LRRTM4: variants seen among roughly 807,000 people sequenced by gnomAD.
The protein encoded by LRRTM4 is leucine rich repeat transmembrane neuronal 4.
Under a neutral mutation model 47.6 loss-of-function variants are expected in LRRTM4, and 25 were observed. That is an observed-to-expected ratio of 0.53 (90% CI 0.38 to 0.73). The LOEUF (loss-of-function observed/expected upper bound fraction) is 0.73, where lower values mean the gene tolerates loss of function less well. LRRTM4 is among the 30% of genes least tolerant of loss of function. The probability of loss-of-function intolerance (pLI) is 0.00; values close to 1 mark genes in which losing one functional copy is unlikely to be tolerated. For missense variants in LRRTM4, 638 were observed against 713.4 expected (o/e 0.89, Z 1.20); for synonymous variants, 311 against 269.5 (o/e 1.15, Z -1.51).
intron 3 of LRRTM4, among the ~76,000 whole-genome samples, chr2:76,806,036 T>C (rs933822044): frequency 6.6e-6 from 1 of 152,120 alleles, no homozygotes; most frequent in Non-Finnish European, 1.5e-5. Context: ...ACTCAGCCTA[T>C]TACAGCTACA....
intron 3 of LRRTM4, among the ~76,000 whole-genome samples, chr2:76,945,742 TGA>T (rs1403570812): frequency 3.6e-5 from 5 of 139,050 alleles, no homozygotes; most frequent in African/African-American, 1.5e-4. Flanking sequence ...ATTCAGATTT[TGA>T]GTGTGTAGAA....
intron 3 of LRRTM4, among the ~76,000 whole-genome samples, chr2:77,290,992 G>A (rs1676808364): frequency 6.6e-6 from 1 of 151,934 alleles, no homozygotes; most frequent in Non-Finnish European, 1.5e-5. Flanking sequence ...TTACTGCTGG[G>A]CTTTTCTGCT....
At chr2:76,757,660 A>G (rs1239144403) in intron 3 of LRRTM4, among the ~76,000 whole-genome samples, 2 of 152,154 alleles carry the variant, frequency 1.3e-5, no homozygotes, top group African/African-American at 2.4e-5. Context: ...AAGTGAATCT[A>G]CATAAATTTG....
At chr2:77,200,644 A>G (rs1441995204) in intron 3 of LRRTM4, among the ~76,000 whole-genome samples, 1 of 152,104 alleles carries the variant, frequency 6.6e-6, no homozygotes, top group African/African-American at 2.4e-5. Context: ...GTAAAATATA[A>G]TCTTCACTCA....
rs59247356 is a variant in LRRTM4 at position 77,476,964 on chromosome 2, ATGTGTGTG to A, written c.1551+41346_1551+41353del. On this transcript the variant is annotated intron_variant, in intron 3 of 3. Transcript: ENST00000409884. ...ATTATGTATAATAAATTTGTAAGAG[ATGTGTGTG>A]TGTGTGTGTGTGTGTGTGTGTGTGT... is the stretch of plus-strand genomic sequence containing the variant. Among the ~76,000 whole-genome samples, 890 of 143,888 alleles carry A rather than the reference ATGTGTGTG, an allele frequency of 6.2e-3. 4 individuals are homozygous for A. Among genetic ancestry groups the A allele is most frequent in the African/African-American group, 0.017 (690 of 39,658 alleles). 94.4% of individuals were successfully genotyped at this position (143,888 alleles called of 152,430 possible).
At chr2:76,801,215 A>G (rs376638405) in intron 3 of LRRTM4, among the ~76,000 whole-genome samples, 28 of 152,142 alleles carry the variant, frequency 1.8e-4, no homozygotes, top group Admixed American at 4.6e-4. Flanking sequence ...ACATGCACAC[A>G]TATGTTTATT....
At chr2:77,099,931 A>G (rs1670909133) in intron 3 of LRRTM4, among the ~76,000 whole-genome samples, 1 of 152,160 alleles carries the variant, frequency 6.6e-6, no homozygotes, top group Admixed American at 6.6e-5. Flanking sequence ...GTGCAGGTGT[A>G]TAACTTTCTG....
chr2:76,950,129 A>C (rs765771928), intron 3 of LRRTM4, among the ~76,000 whole-genome samples: 3 of 151,972 alleles, frequency 2.0e-5, no homozygotes, highest in Non-Finnish European at 4.4e-5. Context: ...AAAAATAGTT[A>C]AGCAAGCCCT....
intron 3 of LRRTM4, among the ~76,000 whole-genome samples, chr2:77,132,331 T>C (rs548852246): frequency 6.6e-6 from 1 of 152,218 alleles, no homozygotes; most frequent in Non-Finnish European, 1.5e-5. Context: ...TTTTATTCTT[T>C]TTTATGATTA....
chr2:77,041,679 G>A (rs1679039115), intron 3 of LRRTM4, among the ~76,000 whole-genome samples: 1 of 151,034 alleles, frequency 6.6e-6, no homozygotes, highest in Non-Finnish European at 1.5e-5. Flanking sequence ...TCATACATCT[G>A]TTGGCCCTTT....
At chr2:76,826,373 A>T (rs576066992) in intron 3 of LRRTM4, among the ~76,000 whole-genome samples, 33 of 151,664 alleles carry the variant, frequency 2.2e-4, no homozygotes, top group Non-Finnish European at 4.3e-4. Context: ...TGTAATCTTA[A>T]ATAGGTTATA....
At chr2:76,793,465 TTCTA>T (rs1675086190) in intron 3 of LRRTM4, among the ~76,000 whole-genome samples, 1 of 152,166 alleles carries the variant, frequency 6.6e-6, no homozygotes, top group Admixed American at 6.5e-5. Flanking sequence ...ACTGACTTTG[TTCTA>T]TCTACTTTAA....
chr2:76,841,360 G>A (rs534340984), intron 3 of LRRTM4, among the ~76,000 whole-genome samples: 7 of 151,704 alleles, frequency 4.6e-5, no homozygotes, highest in Admixed American at 1.3e-4. Flanking sequence ...CACCAACATG[G>A]CACATGTATA....
chr2:76,886,324 A>G (rs1351279013), intron 3 of LRRTM4, among the ~76,000 whole-genome samples: 1 of 152,136 alleles, frequency 6.6e-6, no homozygotes, highest in East Asian at 1.9e-4. Flanking sequence ...GACAACCTTA[A>G]ACTTGCACAT....
At chr2:77,019,094 T>C (rs1227900585) in intron 3 of LRRTM4, among the ~76,000 whole-genome samples, 1 of 151,956 alleles carries the variant, frequency 6.6e-6, no homozygotes, top group Non-Finnish European at 1.5e-5. Flanking sequence ...TTCACAGTGC[T>C]ATATGAAAAA....
intron 3 of LRRTM4, among the ~76,000 whole-genome samples, chr2:77,378,813 T>C (rs1021356355): frequency 6.6e-6 from 1 of 152,106 alleles, no homozygotes; most frequent in Non-Finnish European, 1.5e-5. Context: ...TCCTGTCTGG[T>C]TATGGTAAAT....
At chr2:77,493,772 G>A (rs1473044051) in intron 3 of LRRTM4, among the ~76,000 whole-genome samples, 2 of 152,010 alleles carry the variant, frequency 1.3e-5, no homozygotes, top group African/African-American at 4.8e-5. Flanking sequence ...AATGAAATAA[G>A]TATCCATTTT....
At chr2:76,899,801 T>C (rs969085790) in intron 3 of LRRTM4, among the ~76,000 whole-genome samples, 5 of 152,182 alleles carry the variant, frequency 3.3e-5, no homozygotes, top group African/African-American at 1.2e-4. Context: ...CAAAAAGTAA[T>C]TCACTAGATA....
intron 3 of LRRTM4, among the ~76,000 whole-genome samples, chr2:77,006,903 A>C (rs1166511853): frequency 6.6e-6 from 1 of 152,116 alleles, no homozygotes; most frequent in Non-Finnish European, 1.5e-5. Flanking sequence ...CAGCAGTTGT[A>C]CCAAATGTGT....
Sources: gnomAD v4.1 joint callset for allele counts (sites outside exome capture counted in the v4.1 genomes callset) on GRCh38, gnomAD v4.1.1 for gene constraint, MANE v1.5 for transcripts, NCBI Gene and HGNC (gene_info 2026-07-23, HGNC 2026-07-21) for gene names.